Variants in FARP1 observed in about 807,000 individuals in gnomAD.
The protein encoded by FARP1 is FERM, ARH/RhoGEF and pleckstrin domain protein 1, also known as FERM, ARHGEF and pleckstrin domain-containing protein 1.
A neutral mutation model predicts 128.8 loss-of-function variants in FARP1; 52 were observed. The ratio of observed to expected loss-of-function variants is 0.40; its 90% CI spans 0.32 to 0.51. The LOEUF is 0.51. FARP1 is among the 20% of genes least tolerant of loss of function. FARP1 has a pLI of 0.45. For missense variants in FARP1, 1,333 were observed against 1,367.9 expected, an observed-to-expected ratio of 0.97 and a Z score of 0.40; for synonymous variants, 580 against 551.8, an observed-to-expected ratio of 1.05 and a Z score of -0.72.
intron 1 of FARP1, among the ~76,000 whole-genome samples, chr13:98,184,961 T>C (rs1341701832): frequency 1.3e-5 from 2 of 152,222 alleles, no homozygotes; most frequent in Non-Finnish European, 1.5e-5. Flanking sequence ...CCAGTTTCCG[T>C]GGTGTAAATA....
intron 2 of FARP1, among the ~76,000 whole-genome samples, chr13:98,242,576 G>A (rs1171940095): frequency 1.3e-5 from 2 of 152,144 alleles, no homozygotes; most frequent in East Asian, 3.9e-4. Context: ...CTGCTTAGGA[G>A]GCTGAGATGG....
intron 1 of FARP1, among the ~76,000 whole-genome samples, chr13:98,145,162 G>A (rs146806517): frequency 6.6e-6 from 1 of 152,188 alleles, no homozygotes; most frequent in Non-Finnish European, 1.5e-5. Flanking sequence ...TCCTAGCCCA[G>A]CGCCTCCCAG....
At chr13:98,281,851 C>A (rs1212681940) in intron 2 of FARP1, among the ~76,000 whole-genome samples, 1 of 152,148 alleles carries the variant, frequency 6.6e-6, no homozygotes, top group Non-Finnish European at 1.5e-5. Flanking sequence ...ATTTGGACTT[C>A]AGCTGTTATT....
At chr13:98,361,373 A>G (rs1365161855) in intron 3 of FARP1, among the ~76,000 whole-genome samples, 3 of 152,208 alleles carry the variant, frequency 2.0e-5, no homozygotes, top group Admixed American at 6.5e-5. Flanking sequence ...CTTGGCTCAA[A>G]TAGGTGCTTG....
intron 9 of FARP1, chr13:98,389,550 T>A (rs1890227686): frequency 6.4e-6 from 1 of 156,290 alleles, no homozygotes; most frequent in African/African-American, 2.4e-5. Flanking sequence ...AGAGCCAACA[T>A]TGACACGAAG....
chr13:98,309,876 G>A (rs577973592), intron 2 of FARP1, among the ~76,000 whole-genome samples: 78 of 152,220 alleles, frequency 5.1e-4, no homozygotes, highest in Non-Finnish European at 1.0e-3. Flanking sequence ...TAACACAATG[G>A]GAGATACAGC....
chr13:98,165,423 C>G (rs1048993319), intron 1 of FARP1, among the ~76,000 whole-genome samples: 22 of 151,944 alleles, frequency 1.4e-4, no homozygotes, highest in Non-Finnish European at 3.2e-4. Context: ...GTGAGTGCTC[C>G]TCTGTGCCCA....
chr13:98,237,704 G>C (rs1372023617), intron 2 of FARP1, among the ~76,000 whole-genome samples: 1 of 152,200 alleles, frequency 6.6e-6, no homozygotes, highest in Non-Finnish European at 1.5e-5. Context: ...GTGCTCTCAG[G>C]AAGCAGAGAA....
At chr13:98,161,173 C>A (rs531387974) in intron 1 of FARP1, among the ~76,000 whole-genome samples, 1 of 151,150 alleles carries the variant, frequency 6.6e-6, no homozygotes, top group South Asian at 2.1e-4. Context: ...ATTATACATA[C>A]GTTTTGTGAA....
chr13:98,438,991 G>T, intron 20 of FARP1, 116 bp from the exon 21 acceptor site: 2 of 1,393,968 alleles, frequency 1.4e-6, no homozygotes, highest in Non-Finnish European at 2.0e-6. Flanking sequence ...AGCAGCCAGA[G>T]GTGCCCAGGC....
At chr13:98,149,498 C>T (rs923975581) in intron 1 of FARP1, among the ~76,000 whole-genome samples, 2 of 152,022 alleles carry the variant, frequency 1.3e-5, no homozygotes, top group African/African-American at 4.8e-5. Context: ...TTATAATAAG[C>T]TATTTGTAAG....
At chr13:98,439,005 A>C in intron 20 of FARP1, 102 bp from the exon 21 acceptor site, 1 of 1,384,298 alleles carries the variant, frequency 7.2e-7, no homozygotes, top group South Asian at 1.2e-5. Flanking sequence ...CCCAGGCCCA[A>C]GTTGTTGAGG....
At chr13:98,349,974 C>T (rs978298847) in intron 3 of FARP1, among the ~76,000 whole-genome samples, 2 of 152,108 alleles carry the variant, frequency 1.3e-5, no homozygotes, top group African/African-American at 2.4e-5. Flanking sequence ...CGTCTGCCCT[C>T]GCTTCTTCCT....
intron 24 of FARP1, among the ~76,000 whole-genome samples, chr13:98,442,812 C>T (rs1892583405): frequency 6.6e-6 from 1 of 152,240 alleles, no homozygotes; most frequent in Non-Finnish European, 1.5e-5. Flanking sequence ...ATGTGTGGCG[C>T]CGCCACTGGG....
At chr13:98,389,828 T>A (rs1890238736) in intron 9 of FARP1, 129 bp from the exon 10 acceptor site, 10 of 820,540 alleles carry the variant, frequency 1.2e-5, no homozygotes, top group Non-Finnish European at 1.9e-5. Context: ...TTTGCACTGA[T>A]GGTCATGCTA....
chr13:98,319,296 G>T (rs994747418), intron 2 of FARP1, among the ~76,000 whole-genome samples: 3 of 148,632 alleles, frequency 2.0e-5, no homozygotes, highest in African/African-American at 7.5e-5. Context: ...AAAATACTTG[G>T]AAGGGAATAA....
At chr13:98,248,063 T>C (rs570851005) in intron 2 of FARP1, among the ~76,000 whole-genome samples, 3 of 152,154 alleles carry the variant, frequency 2.0e-5, no homozygotes, top group Non-Finnish European at 2.9e-5. Flanking sequence ...TCTCTCAGCA[T>C]CAGAGAGGCG....
intron 2 of FARP1, among the ~76,000 whole-genome samples, chr13:98,267,856 C>G (rs538046272): frequency 1.2e-3 from 187 of 152,276 alleles, no homozygotes; most frequent in Non-Finnish European, 6.2e-4. Flanking sequence ...CACCTCATAT[C>G]CTGTTTCAAA....
intron 2 of FARP1, among the ~76,000 whole-genome samples, chr13:98,273,431 A>G (rs1244168421): frequency 6.6e-6 from 1 of 152,202 alleles, no homozygotes; most frequent in Non-Finnish European, 1.5e-5. Context: ...CCTAAACTCC[A>G]AAAGGGAGGG....
Sources: allele counts gnomAD v4.1 joint callset (sites outside exome capture counted in the v4.1 genomes callset), GRCh38; gene constraint gnomAD v4.1.1; transcripts MANE v1.5; gene names NCBI Gene and HGNC (gene_info 2026-07-23, HGNC 2026-07-21).